TACC2: variants seen among roughly 807,000 people sequenced by gnomAD.
TACC2 encodes the protein transforming acidic coiled-coil-containing protein 2.
TACC2 carries 137 observed loss-of-function variants against 227.3 expected under a neutral mutation model. The ratio of observed to expected loss-of-function variants is 0.60; its 90% CI spans 0.52 to 0.69. The LOEUF is 0.69. Ranked by LOEUF, TACC2 falls within the 30% of genes least tolerant of loss-of-function variation. TACC2 has a pLI of 0.00. For missense variants in TACC2, 3,470 were observed against 3,694.4 expected, an observed-to-expected ratio of 0.94 and a Z score of 1.57; for synonymous variants, 1,523 against 1,487.5, an observed-to-expected ratio of 1.02 and a Z score of -0.55.
At chr10:122,046,338 G>A (rs1471596588) in intron 2 of TACC2, among the ~76,000 whole-genome samples, 1 of 151,898 alleles carries the variant, frequency 6.6e-6, no homozygotes, top group African/African-American at 2.4e-5. Flanking sequence ...GCCGGGCGTG[G>A]TGGTGGGCGC....
intron 2 of TACC2, among the ~76,000 whole-genome samples, chr10:122,031,035 C>G (rs559753958): frequency 1.3e-5 from 2 of 152,290 alleles, no homozygotes; most frequent in South Asian, 4.1e-4. Flanking sequence ...ACCCCCCCAT[C>G]TGATAAATCA....
At chr10:122,040,338 C>T (rs911540529) in intron 2 of TACC2, among the ~76,000 whole-genome samples, 15 of 152,100 alleles carry the variant, frequency 9.9e-5, no homozygotes, top group African/African-American at 3.1e-4. Context: ...GTGGTGGTGA[C>T]GCTGTGATGA....
chr10:121,997,987 A>T (rs1039424950), intron 1 of TACC2, among the ~76,000 whole-genome samples: 16 of 152,074 alleles, frequency 1.1e-4, no homozygotes, highest in Non-Finnish European at 2.1e-4. Context: ...GCAGCAAGGG[A>T]GCAGCCAGAC....
At chr10:122,214,200 G>A (rs1337757067) in intron 9 of TACC2, among the ~76,000 whole-genome samples, 5 of 152,092 alleles carry the variant, frequency 3.3e-5, no homozygotes, top group African/African-American at 4.8e-5. Context: ...ACTCTCTTCT[G>A]CCCAAGGGAT....
At chr10:122,241,498 C>A (rs907729505) in intron 18 of TACC2, 8 of 166,312 alleles carry the variant, frequency 4.8e-5, no homozygotes, top group Non-Finnish European at 9.2e-5. Context: ...ACCATGTTGC[C>A]CAGGCTGGTC....
chr10:122,086,976 A>C lies in TACC2; in HGVS notation c.4476A>C (p.Pro1492=). The part of the protein sequence containing the change: ...AEISHLALQD[P]ASDKLLGPAG... ...TTTCCCATCTGGCTCTGCAAGATCC[A>C]GCTTCAGACAAGCTTCTGGGTCCAG... Residue 1492 remains proline, a synonymous_variant, in exon 4 of 23, where the codon CCA becomes CCC. Transcript: ENST00000369005. 1 of 1,613,950 alleles carries C rather than the reference A, an allele frequency of 6.2e-7. No individual in the cohort carries two copies. The highest frequency in any genetic ancestry group is 8.5e-7 in the Non-Finnish European group (1 of 1,180,034).
intron 7 of TACC2, among the ~76,000 whole-genome samples, chr10:122,166,435 A>G (rs1430653507): frequency 6.6e-6 from 1 of 152,022 alleles, no homozygotes; most frequent in African/African-American, 2.4e-5. Context: ...CGACTTTTGT[A>G]TCTCCCCTTT....
chr10:122,085,128 T>C lies in TACC2; in HGVS notation c.2628T>C (p.His876=), dbSNP rs151325176. The change falls in exon 4 of 23, where the codon CAT becomes CAC. Residue 876 remains histidine (H), a synonymous_variant. Transcript: ENST00000369005. ...AGGGAGCAGATTCTTCCCAAATCCA[T>C]GTACCTGTGGAACCTCAGGAAGATA... ...KDQGADSSQI[H]VPVEPQEDNN... The C allele has an allele frequency of 6.2e-7, 1 of 1,614,144 alleles. No individual in the cohort carries two copies. Among genetic ancestry groups the C allele is most frequent in the South Asian group, 1.1e-5 (1 of 91,082 alleles).
chr10:122,062,828 G>A (rs2076983413), intron 3 of TACC2, among the ~76,000 whole-genome samples: 1 of 152,194 alleles, frequency 6.6e-6, no homozygotes. Flanking sequence ...CCGTTTCACT[G>A]TCATTTGTGG....
chr10:122,203,135 C>T (rs575546954), intron 8 of TACC2, among the ~76,000 whole-genome samples: 4 of 152,378 alleles, frequency 2.6e-5, no homozygotes, highest in South Asian at 4.1e-4. Flanking sequence ...TCTACAAAAC[C>T]GCCATTGTCA....
intron 1 of TACC2, among the ~76,000 whole-genome samples, chr10:122,001,300 A>G (rs1290633948): frequency 1.3e-5 from 2 of 152,240 alleles, no homozygotes; most frequent in African/African-American, 4.8e-5. Flanking sequence ...CCTCACAATC[A>G]TGGCAGAAGG....
intron 1 of TACC2, among the ~76,000 whole-genome samples, chr10:121,990,546 A>G (rs866365974): frequency 1.3e-5 from 2 of 148,750 alleles, no homozygotes; most frequent in South Asian, 4.2e-4. Context: ...TTTCTGCCCA[A>G]GTACGTTCCC....
intron 5 of TACC2, among the ~76,000 whole-genome samples, chr10:122,118,207 G>A (rs1270333936): frequency 6.6e-6 from 1 of 152,046 alleles, no homozygotes; most frequent in Non-Finnish European, 1.5e-5. Flanking sequence ...TAGAGTTGGA[G>A]TTTCACCATG....
intron 22 of TACC2, among the ~76,000 whole-genome samples, chr10:122,250,767 A>C (rs1449524589): frequency 2.0e-5 from 3 of 152,142 alleles, no homozygotes; most frequent in African/African-American, 7.2e-5. Flanking sequence ...TCTAGCCCTG[A>C]AAATTAGAAG....
chr10:122,153,563 G>A (rs1008225839), intron 7 of TACC2, among the ~76,000 whole-genome samples: 1 of 152,216 alleles, frequency 6.6e-6, no homozygotes, highest in Non-Finnish European at 1.5e-5. Flanking sequence ...AGGCAGTGAA[G>A]CAGGGACACC....
intron 6 of TACC2, among the ~76,000 whole-genome samples, chr10:122,137,360 G>A (rs1274835638): frequency 6.6e-6 from 1 of 151,940 alleles, no homozygotes; most frequent in Non-Finnish European, 1.5e-5. Flanking sequence ...GTGCGTGCCT[G>A]TAGTCCCAGC....
chr10:122,251,165 T>C (rs575126063), intron 22 of TACC2, among the ~76,000 whole-genome samples: 113 of 152,246 alleles, frequency 7.4e-4, no homozygotes, highest in African/African-American at 2.7e-3. Context: ...GCTCAAGCAG[T>C]CCTCCTGTCT....
At chr10:122,063,475 T>A (rs2077056967) in intron 3 of TACC2, among the ~76,000 whole-genome samples, 1 of 152,186 alleles carries the variant, frequency 6.6e-6, no homozygotes, top group African/African-American at 2.4e-5. Context: ...AAAAGGAAGA[T>A]CATGTGCTGA....
intron 22 of TACC2, among the ~76,000 whole-genome samples, chr10:122,250,659 G>A (rs1241823417): frequency 6.6e-6 from 1 of 152,150 alleles, no homozygotes; most frequent in African/African-American, 2.4e-5. Flanking sequence ...TGTTGGGGAA[G>A]GAGCCCTGGG....
Sources: allele counts gnomAD v4.1 joint callset (sites outside exome capture counted in the v4.1 genomes callset), GRCh38; gene constraint gnomAD v4.1.1; transcripts MANE v1.5; gene names NCBI Gene and HGNC (gene_info 2026-07-23, HGNC 2026-07-21).